RPA2: variants seen among roughly 807,000 people sequenced by gnomAD.
The protein encoded by RPA2 is replication protein A2.
RPA2 carries 22 observed loss-of-function variants against 33.4 expected under a neutral mutation model. That is an observed-to-expected ratio of 0.66 (90% confidence interval 0.47 to 0.94). RPA2 has a LOEUF of 0.94. RPA2 is among the 40% of genes least tolerant of loss of function. The probability of loss-of-function intolerance (pLI) is 0.00; values close to 1 mark genes in which losing one functional copy is unlikely to be tolerated. For missense variants in RPA2, 279 were observed against 329.9 expected, an observed-to-expected ratio of 0.85 and a Z score of 1.19; for synonymous variants, 109 against 114.9, an observed-to-expected ratio of 0.95 and a Z score of 0.33.
chr1:27,903,286 T>A (rs1289730334), intron 4 of RPA2, among the ~76,000 whole-genome samples: 28 of 137,358 alleles, frequency 2.0e-4, no homozygotes, highest in Non-Finnish European at 1.6e-5. Flanking sequence ...TGGAGCATTG[T>A]ATATAATAGC....
chr1:27,894,422 T>A, intron 6 of RPA2, 25 bp from the exon 7 acceptor site: 1 of 1,587,064 alleles, frequency 6.3e-7, no homozygotes, highest in Non-Finnish European at 8.6e-7. Context: ...AAGTTAGCAA[T>A]ATTAGAAAAT....
At chr1:27,912,553 A>G (rs966436231) in intron 2 of RPA2, among the ~76,000 whole-genome samples, 3 of 152,146 alleles carry the variant, frequency 2.0e-5, no homozygotes, top group African/African-American at 7.2e-5. Flanking sequence ...CTCAAAAAAA[A>G]AGGCAAACTC....
intron 4 of RPA2, among the ~76,000 whole-genome samples, chr1:27,901,023 A>G (rs150454457): frequency 6.5e-4 from 99 of 152,350 alleles, no homozygotes; most frequent in Non-Finnish European, 1.1e-3. Flanking sequence ...TAAAACGACA[A>G]TAAAGGATTT....
At chr1:27,897,797 G>C (rs949546102) in intron 4 of RPA2, 90 bp from the exon 5 acceptor site, 4 of 916,478 alleles carry the variant, frequency 4.4e-6, no homozygotes, top group Admixed American at 6.7e-5. Flanking sequence ...GAAAGAGAAA[G>C]TTACGAAGTA....
intron 4 of RPA2, among the ~76,000 whole-genome samples, chr1:27,898,929 G>A (rs1447794457): frequency 2.0e-5 from 3 of 152,102 alleles, no homozygotes; most frequent in African/African-American, 4.8e-5. Context: ...AAAATATATC[G>A]GGGTATATGG....
intron 2 of RPA2, among the ~76,000 whole-genome samples, chr1:27,909,156 T>C (rs1441933319): frequency 6.6e-6 from 1 of 152,154 alleles, no homozygotes; most frequent in Non-Finnish European, 1.5e-5. Flanking sequence ...ATGAGAGCTC[T>C]TCCTGTCAGA....
intron 1 of RPA2, 37 bp from the exon 2 acceptor site, chr1:27,914,206 C>T (rs2148664236): frequency 1.2e-6 from 2 of 1,612,212 alleles, no homozygotes; most frequent in East Asian, 2.2e-5. Context: ...TGTGCCACGT[C>T]CCACGCCTCC....
intron 2 of RPA2, among the ~76,000 whole-genome samples, chr1:27,913,016 C>G (rs1039723953): frequency 6.6e-6 from 1 of 152,064 alleles, no homozygotes; most frequent in East Asian, 1.9e-4. Flanking sequence ...GCAGTGGCAT[C>G]ATCTTGGCTC....
chr1:27,900,441 T>C (rs938799722), intron 4 of RPA2, among the ~76,000 whole-genome samples: 1 of 151,274 alleles, frequency 6.6e-6, no homozygotes, highest in African/African-American at 2.5e-5. Flanking sequence ...GAAGTATATA[T>C]TGGGTGGCTG....
At chr1:27,901,392 C>T (rs1025801657) in intron 4 of RPA2, among the ~76,000 whole-genome samples, 2 of 151,416 alleles carry the variant, frequency 1.3e-5, no homozygotes, top group African/African-American at 2.4e-5. Context: ...GAGACAGTTT[C>T]GCTCCTGTTG....
chr1:27,899,220 A>G (rs2089932066), intron 4 of RPA2, among the ~76,000 whole-genome samples: 2 of 151,780 alleles, frequency 1.3e-5, no homozygotes, highest in Non-Finnish European at 2.9e-5. Flanking sequence ...TAATAATACA[A>G]AAAAAAGGGT....
intron 2 of RPA2, among the ~76,000 whole-genome samples, 192 bp from the exon 3 acceptor site, chr1:27,907,474 C>T (rs28988921): frequency 0.014 from 2,126 of 152,276 alleles, 45 homozygotes; most frequent in African/African-American, 0.047. Context: ...AATCCAAACC[C>T]AGGTTTGTCT....
chr1:27,895,929 C>T (rs1256794430), intron 6 of RPA2, among the ~76,000 whole-genome samples: 2 of 152,058 alleles, frequency 1.3e-5, no homozygotes, highest in African/African-American at 4.8e-5. Context: ...ATGCTTACTC[C>T]ACACTCCTGG....
In RPA2 at chr1:27,894,025, C is replaced by T. The variant is rs2089858590; in HGVS notation, c.715G>A (p.Val239Ile). 3.7e-6 allele frequency: 6 copies of T among 1,613,668 alleles called. No homozygotes were observed. The highest frequency in any genetic ancestry group is 2.5e-6 in the Non-Finnish European group (3 of 1,179,538). ...DLKNQLKHMS[V>I]SSIKQAVDFL... ...TCAAATACTTACTTGATTGAGGATA[C>T]AGACATGTGTTTCAGCTGGTTCTTG... Residue 239 changes from valine (V) to isoleucine (I), a missense_variant, in exon 8 of 9, where the codon GTA becomes ATA. Val to Ile is a conservative substitution (Grantham distance 29). This residue lies in a region of RPA2 where 274 missense variants were observed against 310.3 expected (regional missense o/e 0.88). Coordinates refer to ENST00000373912, the MANE Select transcript of RPA2 (RefSeq NM_002946.5).
chr1:27,905,585 T>A (rs1438501829), intron 4 of RPA2, among the ~76,000 whole-genome samples: 1 of 150,342 alleles, frequency 6.7e-6, no homozygotes, highest in African/African-American at 2.5e-5. Context: ...GCCACTTCAC[T>A]GGCCTAAATC....
chr1:27,914,643 C>T, upstream of RPA2: 2 of 1,613,874 alleles, frequency 1.2e-6, no homozygotes, highest in Non-Finnish European at 1.7e-6. Flanking sequence ...TACGCTTGTT[C>T]CTGTCTCCTC....
chr1:27,903,091 A>G (rs2089987152), intron 4 of RPA2, among the ~76,000 whole-genome samples: 1 of 152,022 alleles, frequency 6.6e-6, no homozygotes, highest in African/African-American at 2.4e-5. Flanking sequence ...CACCACGCCC[A>G]GCTAATTTTG....
At chr1:27,914,207 C>A in intron 1 of RPA2, 38 bp from the exon 2 acceptor site, 1 of 1,612,336 alleles carries the variant, frequency 6.2e-7, no homozygotes, top group Non-Finnish European at 8.5e-7. Context: ...GTGCCACGTC[C>A]CACGCCTCCG....
In RPA2 at chr1:27,896,917, A is replaced by G. The variant is rs1571606456; in HGVS notation, c.525+88T>C. The G allele has an allele frequency of 1.5e-5, 14 of 958,144 alleles. No individual in the cohort carries two copies. The East Asian group carries it at 3.2e-4, about 22-fold the overall frequency. 59.4% of individuals were successfully genotyped at this position (958,144 alleles called of 1,614,324 possible). ...GATGTCTTTCTCTGGCTCGGCCTTC[A>G]AAATATCAAGGAAATCAAAGCTGGA... On this transcript the variant is annotated intron_variant, in intron 6 of 8. Coordinates refer to ENST00000373912, the MANE Select transcript of RPA2 (RefSeq NM_002946.5).
Sources: allele counts gnomAD v4.1 joint callset (sites outside exome capture counted in the v4.1 genomes callset), GRCh38; gene constraint gnomAD v4.1.1; regional missense constraint gnomAD v4.1.1; transcripts MANE v1.5; gene names NCBI Gene and HGNC (gene_info 2026-07-23, HGNC 2026-07-21).